The following KLF12 variants were observed in gnomAD, a reference collection of about 807,000 sequenced individuals.
KLF12 encodes KLF transcription factor 12, also known as Krueppel-like factor 12.
KLF12 carries 9 observed loss-of-function variants against 37.8 expected under a neutral mutation model. The ratio of observed to expected loss-of-function variants is 0.24; its 90% CI spans 0.14 to 0.42. KLF12 has a LOEUF of 0.42. Ranked by LOEUF, KLF12 falls within the 10% of genes least tolerant of loss-of-function variation. The pLI is 1.00. For synonymous variants in KLF12, 208 were observed against 202.1 expected, an observed-to-expected ratio of 1.03 and a Z score of -0.25; for missense variants, 411 against 516.0, an observed-to-expected ratio of 0.80 and a Z score of 1.97.
At chr13:74,070,764 C>A (rs1874185777) in intron 1 of KLF12, among the ~76,000 whole-genome samples, 1 of 152,058 alleles carries the variant, frequency 6.6e-6, no homozygotes, top group South Asian at 2.1e-4. Context: ...TTTTAAAGCT[C>A]CCTGGGTGGG....
chr13:73,850,196 A>C (rs78048216), intron 3 of KLF12, among the ~76,000 whole-genome samples: 6,902 of 152,250 alleles, frequency 0.045, 181 homozygotes, highest in African/African-American at 0.067. Context: ...TTTTCTCCAA[A>C]AGTCTCAAAG....
chr13:73,989,234 C>T (rs1016316240), intron 2 of KLF12, among the ~76,000 whole-genome samples: 1 of 152,194 alleles, frequency 6.6e-6, no homozygotes, highest in African/African-American at 2.4e-5. Context: ...AACTCAAATT[C>T]CCAATCAAAG....
chr13:73,839,850 T>C (rs1345760131), intron 4 of KLF12, among the ~76,000 whole-genome samples: 1 of 152,164 alleles, frequency 6.6e-6, no homozygotes, highest in Non-Finnish European at 1.5e-5. Context: ...AAACAGAAGA[T>C]AATGATGTAG....
chr13:74,000,015 A>G (rs1221605454), intron 1 of KLF12, among the ~76,000 whole-genome samples: 2 of 152,146 alleles, frequency 1.3e-5, no homozygotes, highest in Non-Finnish European at 2.9e-5. Flanking sequence ...TCCATTTTAC[A>G]TGCTCCTTTT....
intron 1 of KLF12, among the ~76,000 whole-genome samples, chr13:74,087,502 T>C (rs1875385656): frequency 6.6e-6 from 1 of 152,124 alleles, no homozygotes; most frequent in Admixed American, 6.5e-5. Flanking sequence ...GAGGAGGGGC[T>C]CAACGTCTGC....
chr13:74,118,434 C>T (rs2138965003), intron 1 of KLF12, among the ~76,000 whole-genome samples: 1 of 152,224 alleles, frequency 6.6e-6, no homozygotes, highest in East Asian at 1.9e-4. Flanking sequence ...AATTCTTACG[C>T]ATCAAAAACA....
At chr13:73,964,142 A>G (rs1488895868) in intron 2 of KLF12, among the ~76,000 whole-genome samples, 5 of 152,216 alleles carry the variant, frequency 3.3e-5, no homozygotes, top group Non-Finnish European at 5.9e-5. Flanking sequence ...CCTTCCATCC[A>G]AATAGTGGGC....
chr13:73,898,020 G>A (rs745945581), intron 3 of KLF12, among the ~76,000 whole-genome samples: 3 of 152,116 alleles, frequency 2.0e-5, no homozygotes, highest in Non-Finnish European at 4.4e-5. Flanking sequence ...TCCTTGTAAA[G>A]ATAGTTCCTG....
Position 73,764,967 on chromosome 13 carries a change from G to T in KLF12, c.840C>A (p.Gly280=), listed in dbSNP as rs3764134. The change falls in exon 6 of 8, where the codon GGC becomes GGA. Residue 280 remains glycine (G), a synonymous_variant. Transcript: ENST00000377669. ...GAAACTTTTGATTATTCATTCGATT[G>T]CCCCGGACCCTTGATACTGGGGACG... is the stretch of plus-strand genomic sequence containing the variant. The T allele has an allele frequency of 0.53, 821,120 of 1,550,362 alleles. 225,591 individuals carry two copies. The highest frequency in any genetic ancestry group is 0.58 in the South Asian group (51,751 of 88,960).
At chr13:74,105,660 T>C (rs1033731002) in intron 1 of KLF12, among the ~76,000 whole-genome samples, 14 of 152,196 alleles carry the variant, frequency 9.2e-5, no homozygotes, top group African/African-American at 2.9e-4. Context: ...GTAGGAGAAA[T>C]GGCATTATTT....
chr13:74,190,980 C>T, the KLF12 span, among the ~76,000 whole-genome samples: 2 of 152,320 alleles, frequency 1.3e-5, no homozygotes, highest in Non-Finnish European at 2.9e-5. Flanking sequence ...TGCAGTTACT[C>T]TGCCAGTGAC....
intron 3 of KLF12, among the ~76,000 whole-genome samples, chr13:73,908,228 C>G (rs191963389): frequency 0.019 from 2,826 of 151,782 alleles, 92 homozygotes; most frequent in Admixed American, 0.088. Context: ...CGGTGAAACC[C>G]TGTTTCTACT....
intron 2 of KLF12, among the ~76,000 whole-genome samples, chr13:73,947,815 T>C (rs1334029058): frequency 6.6e-6 from 1 of 152,082 alleles, no homozygotes; most frequent in Non-Finnish European, 1.5e-5. Flanking sequence ...CCAGAACTCA[T>C]AAAAACATAC....
intron 7 of KLF12, among the ~76,000 whole-genome samples, chr13:73,705,157 A>T (rs1874841390): frequency 1.3e-5 from 2 of 152,234 alleles, no homozygotes; most frequent in Admixed American, 1.3e-4. Flanking sequence ...TGAGCCTTGT[A>T]TTCTGTTGCT....
chr13:73,880,480 A>G (rs570904608), intron 3 of KLF12, among the ~76,000 whole-genome samples: 62 of 152,328 alleles, frequency 4.1e-4, no homozygotes, highest in Non-Finnish European at 7.2e-4. Context: ...ACATCTATGT[A>G]GAGTCTTGGG....
chr13:74,025,169 T>C (rs1020345657), intron 1 of KLF12, among the ~76,000 whole-genome samples: 2 of 152,242 alleles, frequency 1.3e-5, no homozygotes, highest in East Asian at 3.8e-4. Flanking sequence ...AAAGGGGCTG[T>C]ATCTCTATCA....
At chr13:73,776,343 A>C (rs983918908) in intron 5 of KLF12, among the ~76,000 whole-genome samples, 1 of 152,208 alleles carries the variant, frequency 6.6e-6, no homozygotes, top group Non-Finnish European at 1.5e-5. Context: ...ACTTCAAGGC[A>C]AAGAAGCCAG....
At chr13:74,021,555 C>T (rs1055890062) in intron 1 of KLF12, among the ~76,000 whole-genome samples, 1 of 152,120 alleles carries the variant, frequency 6.6e-6, no homozygotes. Flanking sequence ...CTGGCTAGTA[C>T]AGGCATGGGA....
intron 1 of KLF12, among the ~76,000 whole-genome samples, chr13:74,063,209 AT>A (rs1277669112): frequency 2.0e-5 from 3 of 151,174 alleles, no homozygotes; most frequent in African/African-American, 4.9e-5. Context: ...AGTGGAAGAC[AT>A]TTTTTTTTCT....
Sources: allele counts gnomAD v4.1 joint callset (sites outside exome capture counted in the v4.1 genomes callset), GRCh38; gene constraint gnomAD v4.1.1; transcripts MANE v1.5; gene names NCBI Gene and HGNC (gene_info 2026-07-23, HGNC 2026-07-21).